The following IMMP2L variants were observed in gnomAD, a reference collection of about 807,000 sequenced individuals.
IMMP2L encodes the protein mitochondrial inner membrane protease subunit 2.
A neutral mutation model predicts 19.3 loss-of-function variants in IMMP2L; 18 were observed. That is an observed-to-expected ratio of 0.93 (90% confidence interval 0.64 to 1.38). The LOEUF (loss-of-function observed/expected upper bound fraction) is 1.38. Ranked by LOEUF, IMMP2L falls within the 40% of genes most tolerant of loss-of-function variation. IMMP2L has a pLI of 0.00. For synonymous variants in IMMP2L, 76 were observed against 73.0 expected (o/e 1.04, Z -0.21); for missense variants, 233 against 218.2 (o/e 1.07, Z -0.43).
Position 111,220,517 on chromosome 7 carries a change from TTAAA to T in IMMP2L, c.240-256956_240-256953del, listed in dbSNP as rs371858898. 4.1e-3 allele frequency among the ~76,000 whole-genome samples: 624 copies of T among 152,116 alleles called. 9 individuals carry two copies. The highest frequency in any genetic ancestry group is 0.015 in the African/African-American group (603 of 41,520). ...AAATGCAAGAAAAATAATTGTTAAA[TTAAA>T]TATTCATTTGAGATAAAAAGTTTTC... On this transcript the variant is annotated intron_variant, in intron 3 of 5. Coordinates refer to ENST00000405709, the MANE Select transcript of IMMP2L (RefSeq NM_032549.4).
intron 3 of IMMP2L, among the ~76,000 whole-genome samples, chr7:111,290,504 T>TTA (rs956172124): frequency 4.1e-5 from 6 of 147,374 alleles, no homozygotes; most frequent in African/African-American, 1.5e-4. Context: ...GACTTCTTTT[T>TTA]AAAAAAAAAA....
intron 3 of IMMP2L, among the ~76,000 whole-genome samples, chr7:111,249,381 G>A (rs376773414): frequency 9.1e-5 from 13 of 142,484 alleles, no homozygotes; most frequent in South Asian, 4.9e-4. Context: ...GCTTCGGCTC[G>A]CGCACGGTGC....
At chr7:111,365,292 T>C (rs1829665771) in intron 3 of IMMP2L, among the ~76,000 whole-genome samples, 1 of 152,148 alleles carries the variant, frequency 6.6e-6, no homozygotes. Context: ...TCTGCTATCA[T>C]GAATATTTCA....
chr7:110,680,021 A>G (rs1434625040), intron 5 of IMMP2L, among the ~76,000 whole-genome samples: 2 of 152,202 alleles, frequency 1.3e-5, no homozygotes, highest in African/African-American at 2.4e-5. Context: ...TCTAAGTATC[A>G]TAACGAACAA....
intron 3 of IMMP2L, among the ~76,000 whole-genome samples, chr7:111,007,972 C>A (rs1035585451): frequency 5.3e-5 from 8 of 152,088 alleles, no homozygotes; most frequent in Admixed American, 2.0e-4. Context: ...CTCTTTGTCT[C>A]TTACCCACAT....
intron 4 of IMMP2L, among the ~76,000 whole-genome samples, chr7:110,904,582 G>T (rs1812261966): frequency 6.6e-6 from 1 of 152,264 alleles, no homozygotes; most frequent in South Asian, 2.1e-4. Flanking sequence ...CAGGGTTTGT[G>T]TTCTGATTTG....
chr7:111,464,541 A>C (rs559795716), intron 3 of IMMP2L, among the ~76,000 whole-genome samples: 7 of 152,300 alleles, frequency 4.6e-5, no homozygotes, highest in African/African-American at 1.4e-4. Flanking sequence ...AATATATGCC[A>C]AATTACTTAC....
intron 5 of IMMP2L, among the ~76,000 whole-genome samples, chr7:110,797,068 G>A (rs546166789): frequency 9.9e-5 from 15 of 152,042 alleles, no homozygotes; most frequent in Admixed American, 8.5e-4. Context: ...CAACTCCTAT[G>A]TAAGTACTAA....
chr7:110,745,578 G>A (rs1024037945), intron 5 of IMMP2L, among the ~76,000 whole-genome samples: 1 of 152,218 alleles, frequency 6.6e-6, no homozygotes, highest in Non-Finnish European at 1.5e-5. Flanking sequence ...CAAGCCAGAA[G>A]AGAGTGGGGG....
intron 3 of IMMP2L, among the ~76,000 whole-genome samples, chr7:111,336,933 A>G (rs915233579): frequency 1.3e-5 from 2 of 152,006 alleles, no homozygotes; most frequent in Admixed American, 6.6e-5. Flanking sequence ...GGTAAACCAA[A>G]TAAGTGAAAA....
chr7:110,917,705 C>T (rs1040861235), intron 4 of IMMP2L, among the ~76,000 whole-genome samples: 4 of 152,102 alleles, frequency 2.6e-5, no homozygotes, highest in Non-Finnish European at 4.4e-5. Context: ...ACAAGGTGGA[C>T]GGGTCTCTTC....
chr7:111,277,764 A>G (rs1275481138), intron 3 of IMMP2L, among the ~76,000 whole-genome samples: 1 of 152,150 alleles, frequency 6.6e-6, no homozygotes, highest in Non-Finnish European at 1.5e-5. Flanking sequence ...ATCATTATAT[A>G]AAAATGGTAA....
At chr7:111,204,401 C>A (rs1225696469) in intron 3 of IMMP2L, among the ~76,000 whole-genome samples, 1 of 152,024 alleles carries the variant, frequency 6.6e-6, no homozygotes, top group East Asian at 1.9e-4. Flanking sequence ...CTCTGCAAGA[C>A]AACATATATG....
chr7:111,482,314 A>C (rs896156320), intron 3 of IMMP2L, among the ~76,000 whole-genome samples: 1 of 152,136 alleles, frequency 6.6e-6, no homozygotes, highest in African/African-American at 2.4e-5. Context: ...TTAAATAAAA[A>C]CAGCATACTC....
intron 5 of IMMP2L, among the ~76,000 whole-genome samples, chr7:110,860,557 T>C (rs1054056940): frequency 2.0e-5 from 3 of 152,106 alleles, no homozygotes; most frequent in African/African-American, 7.2e-5. Context: ...TTATAGTTAG[T>C]ACAATAAAGG....
intron 4 of IMMP2L, among the ~76,000 whole-genome samples, chr7:110,914,031 G>A (rs1813328810): frequency 6.6e-6 from 1 of 152,092 alleles, no homozygotes; most frequent in African/African-American, 2.4e-5. Flanking sequence ...CCTCCAGAAA[G>A]TCAACCAGCA....
At chr7:111,217,863 ATTAAG>A (rs2129619983) in intron 3 of IMMP2L, among the ~76,000 whole-genome samples, 1 of 152,200 alleles carries the variant, frequency 6.6e-6, no homozygotes, top group Non-Finnish European at 1.5e-5. Flanking sequence ...TAATATAAAA[ATTAAG>A]TTTAGTATTT....
intron 5 of IMMP2L, among the ~76,000 whole-genome samples, chr7:110,747,244 T>A (rs1184779549): frequency 6.6e-6 from 1 of 152,256 alleles, no homozygotes; most frequent in African/African-American, 2.4e-5. Context: ...GTTCTGAAAC[T>A]GAGGCAACAA....
At chr7:111,239,545 A>G (rs2129628645) in intron 3 of IMMP2L, among the ~76,000 whole-genome samples, 1 of 152,074 alleles carries the variant, frequency 6.6e-6, no homozygotes, top group South Asian at 2.1e-4. Context: ...AAGGGTTCTT[A>G]ATTTAGGTCT....
Sources: gnomAD v4.1 joint callset for allele counts (sites outside exome capture counted in the v4.1 genomes callset) on GRCh38, gnomAD v4.1.1 for gene constraint, MANE v1.5 for transcripts, NCBI Gene and HGNC (gene_info 2026-07-23, HGNC 2026-07-21) for gene names.